The following GRIK3 variants were observed in gnomAD, a reference collection of about 807,000 sequenced individuals.
GRIK3 encodes the protein glutamate ionotropic receptor kainate type subunit 3.
Under a neutral mutation model 102.5 loss-of-function variants are expected in GRIK3, and 29 were observed. That is an observed-to-expected ratio of 0.28 (90% CI 0.21 to 0.39). The LOEUF is 0.39. GRIK3 is among the 10% of genes least tolerant of loss of function. GRIK3 has a pLI of 1.00. For missense variants in GRIK3, 908 were observed against 1,252.4 expected, an observed-to-expected ratio of 0.73 and a Z score of 4.15; for synonymous variants, 511 against 504.9, an observed-to-expected ratio of 1.01 and a Z score of -0.16.
At chr1:36,942,284 C>T (rs984329568) in intron 1 of GRIK3, among the ~76,000 whole-genome samples, 1 of 152,230 alleles carries the variant, frequency 6.6e-6, no homozygotes, top group East Asian at 1.9e-4. Context: ...CCTGTGGTGC[C>T]AGTCCAGAGC....
intron 1 of GRIK3, among the ~76,000 whole-genome samples, chr1:36,947,149 G>A (rs1444478512): frequency 1.3e-5 from 2 of 152,040 alleles, no homozygotes; most frequent in Non-Finnish European, 2.9e-5. Flanking sequence ...AGAAGGGATG[G>A]ACCATCTGCT....
At chr1:36,999,649 A>AG (rs1642454409) in intron 1 of GRIK3, among the ~76,000 whole-genome samples, 2 of 152,122 alleles carry the variant, frequency 1.3e-5, no homozygotes, top group Admixed American at 1.3e-4. Flanking sequence ...AGGGCCTCTC[A>AG]GGGAACACTG....
intron 1 of GRIK3, among the ~76,000 whole-genome samples, chr1:36,919,841 C>T (rs556168063): frequency 1.9e-4 from 29 of 152,308 alleles, no homozygotes; most frequent in South Asian, 4.1e-4. Context: ...CTACCCGTGG[C>T]GGGTGCATAT....
chr1:37,014,863 TTTCTTTTCTTTTCTC>T, intron 1 of GRIK3, among the ~76,000 whole-genome samples: 1 of 145,544 alleles, frequency 6.9e-6, no homozygotes, highest in South Asian at 2.4e-4. Context: ...TTTCTTTTCT[TTTCTTTTCTTTTCTC>T]ATCTATTCTC....
chr1:36,816,870 A>T (rs939837565), intron 13 of GRIK3, among the ~76,000 whole-genome samples, 190 bp downstream of exon 13: 1 of 152,230 alleles, frequency 6.6e-6, no homozygotes, highest in African/African-American at 2.4e-5. Context: ...TGTCGAGGCC[A>T]ACCCAGTTGG....
At chr1:36,808,114 T>C (rs1412127154) in intron 13 of GRIK3, among the ~76,000 whole-genome samples, 3 of 152,226 alleles carry the variant, frequency 2.0e-5, no homozygotes, top group Admixed American at 6.5e-5. Flanking sequence ...CACGCAATAT[T>C]CTTGCCCTTA....
intron 2 of GRIK3, among the ~76,000 whole-genome samples, chr1:36,890,477 AT>A (rs1641101565): frequency 6.6e-6 from 1 of 151,902 alleles, no homozygotes; most frequent in South Asian, 2.1e-4. Flanking sequence ...AAAAAAAAAA[AT>A]GTCAGCAGTA....
At chr1:36,843,422 G>A (rs1640483950) in intron 9 of GRIK3, among the ~76,000 whole-genome samples, 1 of 152,172 alleles carries the variant, frequency 6.6e-6, no homozygotes, top group South Asian at 2.1e-4. Context: ...TTGCAAGATA[G>A]TAACACTGTC....
intron 1 of GRIK3, among the ~76,000 whole-genome samples, chr1:37,010,151 T>G (rs1334307240): frequency 6.6e-6 from 1 of 152,188 alleles, no homozygotes; most frequent in Non-Finnish European, 1.5e-5. Context: ...ATTTGAGTTG[T>G]GCTTCTCTTC....
At chr1:37,022,420 C>T (rs185313747) in intron 1 of GRIK3, among the ~76,000 whole-genome samples, 10 of 152,324 alleles carry the variant, frequency 6.6e-5, no homozygotes, top group African/African-American at 2.4e-4. Context: ...ATCTCTCCTC[C>T]AGTCTCTTCT....
rs895980068 is a variant in GRIK3 at position 36,986,129 on chromosome 1, C to G, written c.115+47865G>C. Among the ~76,000 whole-genome samples, 8 of 152,318 alleles carry G rather than the reference C, an allele frequency of 5.3e-5. 1 individual carries two copies. The highest frequency in any genetic ancestry group is 3.4e-3 in the Middle Eastern group (1 of 294). ...TCTCCCTGCCCCCGGGACCCAGACT[C>G]TCTATCTCCTCCTCTCTGAGCTTCC... On this transcript the variant is annotated intron_variant, in intron 1 of 15. Coordinates refer to ENST00000373091, the MANE Select transcript of GRIK3 (RefSeq NM_000831.4).
chr1:36,855,058 A>G (rs1284006522), intron 7 of GRIK3, among the ~76,000 whole-genome samples: 2 of 152,186 alleles, frequency 1.3e-5, no homozygotes, highest in Non-Finnish European at 1.5e-5. Context: ...AACAAGGCCC[A>G]CACATCCTGG....
At chr1:37,028,577 C>T (rs1227214698) in intron 1 of GRIK3, among the ~76,000 whole-genome samples, 1 of 152,212 alleles carries the variant, frequency 6.6e-6, no homozygotes, top group Non-Finnish European at 1.5e-5. Flanking sequence ...GCCCAGATGG[C>T]CATCCTCCCA....
intron 10 of GRIK3, among the ~76,000 whole-genome samples, chr1:36,832,144 T>C (rs966128827): frequency 6.6e-6 from 1 of 152,232 alleles, no homozygotes; most frequent in African/African-American, 2.4e-5. Context: ...GTTGTGATTT[T>C]AGAGGCATTG....
At chr1:36,910,838 G>C (rs1474569520) in intron 1 of GRIK3, among the ~76,000 whole-genome samples, 1 of 152,246 alleles carries the variant, frequency 6.6e-6, no homozygotes. Context: ...GAGTCAGTGA[G>C]AGATTAGTTT....
At chr1:36,901,668 A>T (rs1294742174) in intron 1 of GRIK3, among the ~76,000 whole-genome samples, 1 of 152,222 alleles carries the variant, frequency 6.6e-6, no homozygotes, top group Non-Finnish European at 1.5e-5. Context: ...GTACAAGGGA[A>T]GGATGTCCCC....
At position 36,891,071 on chromosome 1, in the gene GRIK3, G is replaced by C. The variant is rs756206288; in HGVS notation, c.141C>G (p.Gly47=). The part of the protein sequence containing the change: ...RIGGIFEYAD[G]PNAQVMNAEE... The stretch of plus-strand genomic sequence containing the variant: ...CGGCATTCATGACCTGGGCGTTGGG[G>C]CCGTCCGCATACTCGAAGATTCCTC... Residue 47 remains glycine, a synonymous_variant, in exon 2 of 16, where the codon GGC becomes GGG. Transcript: ENST00000373091. 6.2e-7 allele frequency: 1 copy of C among 1,613,450 alleles called. No homozygotes were observed. Among genetic ancestry groups the C allele is most frequent in the Non-Finnish European group, 8.5e-7 (1 of 1,179,590 alleles).
chr1:36,935,574 C>G (rs867973562), intron 1 of GRIK3, among the ~76,000 whole-genome samples: 1 of 152,016 alleles, frequency 6.6e-6, no homozygotes, highest in Admixed American at 6.5e-5. Flanking sequence ...GCCCCCGCAC[C>G]CAGCAAAGAT....
Position 36,806,389 on chromosome 1 carries a change from G to A in GRIK3, c.2092-63C>T, listed in dbSNP as rs140037078. 437 of 980,664 alleles carry A rather than the reference G, an allele frequency of 4.5e-4. No homozygotes were observed. The highest frequency in any genetic ancestry group is 6.1e-4 in the Non-Finnish European group (386 of 637,022). 60.7% of individuals were successfully genotyped at this position (980,664 alleles called of 1,614,324 possible). On this transcript the variant is annotated intron_variant, in intron 13 of 15. Transcript: ENST00000373091. The surrounding 1 kb of genome is among the most constrained non-coding windows in gnomAD (Gnocchi z 4.0). ...CTAGGCGCACCAGGGACCAAGCACC[G>A]CATACCCTGCACAACGTGGGTTGGG...
Sources: allele counts gnomAD v4.1 joint callset (sites outside exome capture counted in the v4.1 genomes callset), GRCh38; gene constraint gnomAD v4.1.1; non-coding constraint Gnocchi (gnomAD v3.1); transcripts MANE v1.5; gene names NCBI Gene and HGNC (gene_info 2026-07-23, HGNC 2026-07-21).